The following GTF2I variants were observed in gnomAD, a reference collection of about 807,000 sequenced individuals.
GTF2I encodes general transcription factor II-I.
Under a neutral mutation model 67.6 loss-of-function variants are expected in GTF2I, and 12 were observed. The observed-to-expected ratio is 0.18, with a 90% CI of 0.11 to 0.29. The LOEUF (loss-of-function observed/expected upper bound fraction) is 0.29. GTF2I is among the 10% of genes least tolerant of loss of function. The pLI is 1.00. For missense variants in GTF2I, 271 were observed against 580.1 expected (o/e 0.47, Z 5.47); for synonymous variants, 149 against 197.0 (o/e 0.76, Z 2.04).
chr7:74,680,762 G>A (rs587659905), intron 1 of GTF2I, among the ~76,000 whole-genome samples: 1 of 151,410 alleles, frequency 6.6e-6, no homozygotes, highest in African/African-American at 2.4e-5. Flanking sequence ...ACCAAATGTT[G>A]TTGTGTGCTG....
intron 1 of GTF2I, among the ~76,000 whole-genome samples, chr7:74,662,028 AG>A (rs1460706864): frequency 6.6e-6 from 1 of 151,804 alleles, no homozygotes; most frequent in Admixed American, 6.6e-5. Flanking sequence ...CCTTGGAGGT[AG>A]GGGGGTTGGG....
intron 1 of GTF2I, among the ~76,000 whole-genome samples, chr7:74,679,761 G>T (rs1554393526): frequency 1.3e-5 from 2 of 151,962 alleles, no homozygotes; most frequent in South Asian, 2.1e-4. Context: ...TTGGAATTTA[G>T]AGAGGGATTC....
Position 74,705,152 on chromosome 7 carries a change from T to C in GTF2I, c.587-12T>C. The C allele has an allele frequency of 6.3e-7, 1 of 1,581,080 alleles. No individual in the cohort carries two copies. ...TGAAAAACTAACTCCAATTTTTTTT[T>C]TTTGTATGTAGGTGGTCGTGTGATG... is the stretch of plus-strand genomic sequence containing the variant. On this transcript the variant is annotated splice_polypyrimidine_tract_variant and intron_variant, in intron 6 of 34. Coordinates refer to ENST00000573035, the MANE Select transcript of GTF2I (RefSeq NM_032999.4).
intron 2 of GTF2I, among the ~76,000 whole-genome samples, chr7:74,689,906 A>G (rs1324620471): frequency 2.6e-5 from 4 of 151,806 alleles, no homozygotes; most frequent in Admixed American, 6.6e-5. Context: ...TAGTAGAGAC[A>G]GGGTTTCACC....
chr7:74,711,067 G>T lies in GTF2I; in HGVS notation c.721G>T (p.Glu241Ter). 1 of 1,529,620 alleles carries T rather than the reference G, an allele frequency of 6.5e-7. No homozygotes were observed. The highest frequency in any genetic ancestry group is 8.9e-7 in the Non-Finnish European group (1 of 1,122,614). The allele number at this position is 1,529,620 out of a possible 1,614,324, so 94.8% of individuals were successfully genotyped here. Residue 241 changes from glutamate to a stop codon, truncating the protein, a stop_gained, in exon 9 of 35, where the codon GAA becomes TAA. Transcript: ENST00000573035. LOFTEE classifies it high-confidence loss of function. ...SLEMAAVTVK[E>*]ESEDPDYYQY... The stretch of plus-strand genomic sequence containing the variant: ...GGAAATGGCAGCTGTGACAGTAAAG[G>T]AAGAATCAGAAGATCCTGATTATTA...
At chr7:74,717,014 T>G in intron 11 of GTF2I, 64 bp downstream of exon 11, 1 of 1,544,456 alleles carries the variant, frequency 6.5e-7, no homozygotes, top group African/African-American at 1.4e-5. Context: ...ATTTTATAGA[T>G]TCTATTATCC....
At chr7:74,698,416 T>A (rs112746541) in intron 3 of GTF2I, among the ~76,000 whole-genome samples, 90 of 71,612 alleles carry the variant, frequency 1.3e-3, no homozygotes, top group African/African-American at 4.2e-3. Flanking sequence ...TTTTTTTTTT[T>A]AATTTAAGAG....
At chr7:74,717,004 A>AT (rs1405205209) in intron 11 of GTF2I, 54 bp downstream of exon 11, 1 of 1,549,302 alleles carries the variant, frequency 6.5e-7, no homozygotes, top group Admixed American at 1.7e-5. Flanking sequence ...TGTTTATTCT[A>AT]TTTTATAGAT....
intron 1 of GTF2I, among the ~76,000 whole-genome samples, chr7:74,664,214 C>T (rs904897681): frequency 5.9e-5 from 9 of 152,134 alleles, no homozygotes; most frequent in African/African-American, 1.9e-4. Flanking sequence ...GCCCTGTCGT[C>T]CTTTACTGTT....
chr7:74,681,797 A>G (rs2527363), intron 1 of GTF2I, among the ~76,000 whole-genome samples: 27,080 of 152,128 alleles, frequency 0.18, 4,563 homozygotes, highest in African/African-American at 0.45. Context: ...CTGTAATCCC[A>G]GCTACTCGGG....
intron 1 of GTF2I, among the ~76,000 whole-genome samples, chr7:74,658,348 G>A (rs1804116619): frequency 6.8e-6 from 1 of 147,956 alleles, no homozygotes. Context: ...CGCGGGGGAC[G>A]ACAGTGGCAC....
chr7:74,682,553 T>C (rs1188705712), intron 1 of GTF2I, among the ~76,000 whole-genome samples: 2 of 152,164 alleles, frequency 1.3e-5, no homozygotes, highest in Non-Finnish European at 2.9e-5. Context: ...GTCTCGAACT[T>C]GGATTAGAGT....
intron 1 of GTF2I, among the ~76,000 whole-genome samples, chr7:74,674,354 C>T (rs782274527): frequency 1.4e-4 from 22 of 152,100 alleles, no homozygotes; most frequent in Non-Finnish European, 2.8e-4. Context: ...AGGTGAGCCA[C>T]GGCGCCCAGT....
At chr7:74,723,138 T>TG in intron 12 of GTF2I, among the ~76,000 whole-genome samples, 1 of 151,000 alleles carries the variant, frequency 6.6e-6, no homozygotes, top group South Asian at 2.1e-4. Context: ...TTTTTTTTTT[T>TG]TTTGAGACGG....
intron 2 of GTF2I, among the ~76,000 whole-genome samples, chr7:74,690,004 A>G (rs1429510069): frequency 6.6e-6 from 1 of 152,086 alleles, no homozygotes; most frequent in Non-Finnish European, 1.5e-5. Flanking sequence ...GGCTGAGGTC[A>G]GGAGTTCAAG....
chr7:74,689,192 G>A lies in GTF2I; in HGVS notation c.64G>A (p.Val22Met). The change falls in exon 2 of 35, where the codon GTG becomes ATG. Residue 22 changes from valine (V) to methionine (M), a missense_variant. Around this residue, in one of 9 missense-constraint regions of GTF2I, gnomAD observed 10 missense variants for 44.0 expected, o/e 0.23. Coordinates refer to ENST00000573035, the MANE Select transcript of GTF2I (RefSeq NM_032999.4). ...TGAGGAGTCCTCGGAGAGCAGGATG[G>A]TGGTGACATTCCTCATGTCAGCTCT... ...EDEESSESRM[V>M]VTFLMSALES... The A allele has an allele frequency of 6.2e-7, 1 of 1,612,124 alleles. No homozygotes were observed. Among genetic ancestry groups the A allele is most frequent in the South Asian group, 1.1e-5 (1 of 91,046 alleles).
At chr7:74,703,926 C>G (rs1790204122) in intron 6 of GTF2I, among the ~76,000 whole-genome samples, 1 of 152,162 alleles carries the variant, frequency 6.6e-6, no homozygotes, top group East Asian at 1.9e-4. Context: ...TCAAGATATC[C>G]TTGTTATCTT....
Position 74,700,632 on chromosome 7 carries a change from T to C in GTF2I, c.584T>C (p.Val195Ala), listed in dbSNP as rs782431867. 12 of 1,613,932 alleles carry C rather than the reference T, an allele frequency of 7.4e-6. No individual in the cohort carries two copies. Among genetic ancestry groups the C allele is most frequent in the Middle Eastern group, 1.6e-4 (1 of 6,080 alleles). ...KRPFLEPKKHVGGRVMVTDAD... is the reference protein window; with the variant it reads ...KRPFLEPKKHAGGRVMVTDAD... ...CCTTTTTTAGAGCCAAAGAAGCATG[T>C]AGGTAAGTAAGTGCTTTGCTTCCTT... The change falls in exon 6 of 35, where the codon GTA (valine) becomes GCA (alanine). Residue 195 changes from valine to alanine, a missense_variant and splice_region_variant. Val to Ala is a moderately conservative substitution (Grantham distance 64, BLOSUM62 0). Coordinates refer to ENST00000573035, the MANE Select transcript of GTF2I (RefSeq NM_032999.4).
At chr7:74,688,732 C>T (rs1338966827) in intron 1 of GTF2I, among the ~76,000 whole-genome samples, 2 of 152,174 alleles carry the variant, frequency 1.3e-5, no homozygotes, top group Admixed American at 1.3e-4. Flanking sequence ...TGTACCCACT[C>T]TTTTGTGTGT....
Sources: allele counts gnomAD v4.1 joint callset (sites outside exome capture counted in the v4.1 genomes callset), GRCh38; gene constraint gnomAD v4.1.1; regional missense constraint gnomAD v4.1.1; transcripts MANE v1.5; gene names NCBI Gene and HGNC (gene_info 2026-07-23, HGNC 2026-07-21).